The following ATP13A4 variants were observed in gnomAD, a reference collection of about 807,000 sequenced individuals.
The protein encoded by ATP13A4 is ATPase 13A4.
ATP13A4 carries 114 observed loss-of-function variants against 142.5 expected under a neutral mutation model. The observed-to-expected ratio is 0.80, with a 90% CI of 0.69 to 0.93. The LOEUF is 0.93. Among genes scored for constraint, ATP13A4 ranks in the 40% least tolerant of loss-of-function variants. The probability of loss-of-function intolerance (pLI) is 0.00; values close to 1 mark genes in which losing one functional copy is unlikely to be tolerated. For missense variants in ATP13A4, 1,392 were observed against 1,454.0 expected (o/e 0.96, Z 0.69); for synonymous variants, 488 against 514.8 (o/e 0.95, Z 0.70).
intron 29 of ATP13A4, chr3:193,403,767 C>A (rs1188733800): frequency 4.1e-6 from 4 of 984,950 alleles, no homozygotes; most frequent in Non-Finnish European, 4.8e-6. Flanking sequence ...CATGTTTGCT[C>A]ACAAAGATTG....
intron 24 of ATP13A4, among the ~76,000 whole-genome samples, 167 bp downstream of exon 24, chr3:193,435,481 C>A (rs1716213420): frequency 6.6e-6 from 1 of 152,106 alleles, no homozygotes; most frequent in South Asian, 2.1e-4. Context: ...CTGTACAAAT[C>A]TGTCTATTTG....
chr3:193,554,690 C>T (rs373255848), intron 1 of ATP13A4, 50 bp downstream of exon 1: 12 of 1,559,660 alleles, frequency 7.7e-6, no homozygotes, highest in Middle Eastern at 3.9e-4. Flanking sequence ...GTGTGTGTCT[C>T]GCAGGCTGAG....
chr3:193,514,757 A>T lies in ATP13A4; in HGVS notation c.175T>A (p.Trp59Arg). The change falls in exon 2 of 30, where the codon TGG becomes AGG. Residue 59 changes from tryptophan (W) to arginine (R), a missense_variant. By Grantham distance (101) the Trp-to-Arg change is moderately radical. Transcript: ENST00000342695. ...VFYWRPAWHV[W>R]AHCVPCSLQE... ...AAGGAACATGGGACACAATGTGCCC[A>T]TACGTGCCATGCTGGTCTCCAGTAA... 1 of 1,614,248 alleles carries T rather than the reference A, an allele frequency of 6.2e-7. No individual in the cohort carries two copies. Among genetic ancestry groups the T allele is most frequent in the Non-Finnish European group, 8.5e-7 (1 of 1,180,040 alleles).
At chr3:193,588,938 GA>G (rs1319106017) in intron 1 of ATP13A4, among the ~76,000 whole-genome samples, 1 of 152,070 alleles carries the variant, frequency 6.6e-6, no homozygotes, top group Non-Finnish European at 1.5e-5. Flanking sequence ...TCAGGAGTTT[GA>G]AACCAGCCTG....
intron 2 of ATP13A4, among the ~76,000 whole-genome samples, chr3:193,569,804 G>T (rs1487063907): frequency 6.6e-6 from 1 of 151,940 alleles, no homozygotes; most frequent in African/African-American, 2.4e-5. Flanking sequence ...CAAAGTGCTG[G>T]GATTACAGGT....
At chr3:193,514,548 T>C (rs1721304678) in intron 2 of ATP13A4, 150 bp downstream of exon 2, 1 of 995,736 alleles carries the variant, frequency 1.0e-6, no homozygotes, top group Non-Finnish European at 1.5e-6. Context: ...GAAATCCTGC[T>C]AGATGCAAGG....
At position 193,417,930 on chromosome 3, in the gene ATP13A4, G is replaced by A. The variant is rs1213507501; in HGVS notation, c.2843-3180C>T. Among the ~76,000 whole-genome samples the A allele has an allele frequency of 2.7e-5, 4 of 146,520 alleles. 1 individual carries two copies. The highest frequency in any genetic ancestry group is 1.4e-4 in the Admixed American group (2 of 13,844). The stretch of plus-strand genomic sequence containing the variant: ...AAGGTCAGGAGATCGAGACCATCCC[G>A]GCTAAAACGGTGAAACCCCGTCTCT... On this transcript the variant is annotated intron_variant, in intron 25 of 29. Coordinates refer to ENST00000342695, the MANE Select transcript of ATP13A4 (RefSeq NM_032279.4).
At chr3:193,513,199 A>T (rs980795749) in intron 2 of ATP13A4, among the ~76,000 whole-genome samples, 2 of 152,224 alleles carry the variant, frequency 1.3e-5, no homozygotes, top group Non-Finnish European at 2.9e-5. Context: ...GCAAGTCAAC[A>T]AAGACCAACT....
chr3:193,496,258 T>C (rs1297593754), intron 3 of ATP13A4, among the ~76,000 whole-genome samples: 1 of 152,148 alleles, frequency 6.6e-6, no homozygotes, highest in African/African-American at 2.4e-5. Flanking sequence ...AGACCCTGGA[T>C]ACCCAAAGCA....
At chr3:193,582,414 T>TG (rs1178038178) in intron 1 of ATP13A4, among the ~76,000 whole-genome samples, 1 of 149,198 alleles carries the variant, frequency 6.7e-6, no homozygotes, top group Non-Finnish European at 1.5e-5. Context: ...CCCAAAGTGT[T>TG]GGGACTACAG....
intron 21 of ATP13A4, 69 bp from the exon 22 acceptor site, chr3:193,439,134 C>G (rs1716474753): frequency 6.9e-7 from 1 of 1,446,820 alleles, no homozygotes; most frequent in South Asian, 1.1e-5. Flanking sequence ...ATTAAAAAAA[C>G]AAAGTAACCA....
At chr3:193,502,945 A>G (rs908644925) in intron 2 of ATP13A4, among the ~76,000 whole-genome samples, 3 of 152,032 alleles carry the variant, frequency 2.0e-5, no homozygotes, top group Non-Finnish European at 2.9e-5. Flanking sequence ...CTTTCAGCCC[A>G]TGACCTGATG....
intron 26 of ATP13A4, among the ~76,000 whole-genome samples, 194 bp from the exon 27 acceptor site, chr3:193,412,565 G>A (rs2108603804): frequency 6.8e-6 from 1 of 148,012 alleles, no homozygotes; most frequent in African/African-American, 2.5e-5. Flanking sequence ...TGAAAAATAG[G>A]GGAAAAAATC....
intron 1 of ATP13A4, among the ~76,000 whole-genome samples, chr3:193,527,915 A>T (rs1722101657): frequency 6.6e-6 from 1 of 152,154 alleles, no homozygotes; most frequent in Admixed American, 6.5e-5. Flanking sequence ...TCTCTACAGA[A>T]CTACCTGTAA....
At chr3:193,404,496 G>A (rs1402243821) in intron 29 of ATP13A4, among the ~76,000 whole-genome samples, 1 of 152,136 alleles carries the variant, frequency 6.6e-6, no homozygotes, top group Non-Finnish European at 1.5e-5. Flanking sequence ...CCCCAATGTT[G>A]CAGGAAGGGC....
intron 8 of ATP13A4, 127 bp from the exon 9 acceptor site, chr3:193,471,120 C>G: frequency 1.6e-6 from 2 of 1,230,668 alleles, no homozygotes; most frequent in Non-Finnish European, 2.4e-6. Flanking sequence ...GGAGAACATT[C>G]CTCAACATTG....
At chr3:193,474,291 T>G (rs1276915268) in intron 8 of ATP13A4, among the ~76,000 whole-genome samples, 1 of 114,726 alleles carries the variant, frequency 8.7e-6, no homozygotes, top group Non-Finnish European at 1.6e-5. Flanking sequence ...TGCACTGCAC[T>G]CCAGCCTGGT....
At chr3:193,520,029 C>T (rs1721635779) in intron 1 of ATP13A4, among the ~76,000 whole-genome samples, 1 of 152,098 alleles carries the variant, frequency 6.6e-6, no homozygotes, top group Admixed American at 6.6e-5. Flanking sequence ...ATAGTAGGAT[C>T]AATTCAAGTT....
intron 6 of ATP13A4, among the ~76,000 whole-genome samples, chr3:193,491,014 A>T (rs1451167241): frequency 3.9e-5 from 6 of 152,226 alleles, no homozygotes. Flanking sequence ...AGCTTAAAAA[A>T]AATTGAGTTT....
Sources: gnomAD v4.1 joint callset for allele counts (sites outside exome capture counted in the v4.1 genomes callset) on GRCh38, gnomAD v4.1.1 for gene constraint, MANE v1.5 for transcripts, NCBI Gene and HGNC (gene_info 2026-07-23, HGNC 2026-07-21) for gene names.